SHISA9: variants seen among roughly 807,000 people sequenced by gnomAD.
SHISA9 encodes the protein protein shisa-9.
Under a neutral mutation model 38.0 loss-of-function variants are expected in SHISA9, and 13 were observed. The ratio of observed to expected loss-of-function variants is 0.34; its 90% confidence interval spans 0.22 to 0.54. The LOEUF is 0.54. SHISA9 is among the 20% of genes least tolerant of loss of function. The probability of loss-of-function intolerance (pLI) is 0.91; values close to 1 mark genes in which losing one functional copy is unlikely to be tolerated. For missense variants in SHISA9, 538 were observed against 575.8 expected (o/e 0.93, Z 0.67); for synonymous variants, 275 against 242.0 (o/e 1.14, Z -1.27).
At chr16:13,415,360 C>T in the SHISA9 span, among the ~76,000 whole-genome samples, 1 of 152,158 alleles carries the variant, frequency 6.6e-6, no homozygotes, top group African/African-American at 2.4e-5. Context: ...CACATGTTCT[C>T]ACTTTTAAGT....
At position 12,916,818 on chromosome 16, in the gene SHISA9, A is replaced by G. The variant is rs1330171617; in HGVS notation, c.691+3A>G. On this transcript the variant is annotated splice_donor_region_variant and intron_variant, in intron 2 of 4. Coordinates refer to ENST00000558583, the MANE Select transcript of SHISA9 (RefSeq NM_001145204.3). The stretch of plus-strand genomic sequence containing the variant: ...GAGAACCCCCATAAATAATCTTCGT[A>G]AGTACAGCTGCATGAACCATTTCCA... The G allele has an allele frequency of 1.3e-6, 2 of 1,551,386 alleles. No homozygotes were observed. Among genetic ancestry groups the G allele is most frequent in the Admixed American group, 2.0e-5 (1 of 50,968 alleles).
intron 1 of SHISA9, among the ~76,000 whole-genome samples, chr16:12,903,811 C>G (rs1282045285): frequency 6.6e-6 from 1 of 151,846 alleles, no homozygotes; most frequent in Non-Finnish European, 1.5e-5. Flanking sequence ...TGTGTGTGTG[C>G]GCGCGTGTGT....
the SHISA9 span, among the ~76,000 whole-genome samples, chr16:13,498,979 C>A: frequency 6.6e-6 from 1 of 152,134 alleles, no homozygotes; most frequent in Non-Finnish European, 1.5e-5. Context: ...TGAGAGGATA[C>A]CTATGGGTCT....
At chr16:13,021,126 T>C (rs1041178625) in intron 2 of SHISA9, among the ~76,000 whole-genome samples, 1 of 152,210 alleles carries the variant, frequency 6.6e-6, no homozygotes, top group Non-Finnish European at 1.5e-5. Flanking sequence ...TCTCCTTGAG[T>C]GCTAGACCTC....
chr16:13,351,133 C>G, the SHISA9 span, among the ~76,000 whole-genome samples: 1 of 152,130 alleles, frequency 6.6e-6, no homozygotes, highest in Non-Finnish European at 1.5e-5. Context: ...GAAACAGATA[C>G]CTTTCTCAGA....
At chr16:13,485,643 T>C in the SHISA9 span, among the ~76,000 whole-genome samples, 1 of 152,242 alleles carries the variant, frequency 6.6e-6, no homozygotes, top group South Asian at 2.1e-4. Flanking sequence ...GTTCTTTGTG[T>C]TGAGAACATT....
At chr16:13,404,250 A>G in the SHISA9 span, among the ~76,000 whole-genome samples, 60 of 152,346 alleles carry the variant, frequency 3.9e-4, no homozygotes, top group Middle Eastern at 3.4e-3. Context: ...GACAGCTTCT[A>G]TGCTATCACA....
the SHISA9 span, among the ~76,000 whole-genome samples, chr16:13,302,217 C>T: frequency 2.6e-5 from 4 of 152,088 alleles, no homozygotes; most frequent in African/African-American, 7.2e-5. Flanking sequence ...GTTTGTCCCC[C>T]CATTGAACTT....
At chr16:13,336,721 C>G in the SHISA9 span, among the ~76,000 whole-genome samples, 1 of 152,150 alleles carries the variant, frequency 6.6e-6, no homozygotes, top group Non-Finnish European at 1.5e-5. Context: ...GTGGCATATT[C>G]AATTTGTGGG....
chr16:13,147,892 G>T (rs989516910), intron 2 of SHISA9, among the ~76,000 whole-genome samples: 1 of 152,186 alleles, frequency 6.6e-6, no homozygotes, highest in African/African-American at 2.4e-5. Context: ...CTTGAGAGAA[G>T]CTCACATGTG....
the SHISA9 span, among the ~76,000 whole-genome samples, chr16:13,407,124 A>G: frequency 6.8e-6 from 1 of 148,106 alleles, no homozygotes; most frequent in Non-Finnish European, 1.5e-5. Context: ...GCTCTAGTCT[A>G]TTCAAACTAC....
chr16:13,501,496 G>C, the SHISA9 span, among the ~76,000 whole-genome samples: 4 of 152,182 alleles, frequency 2.6e-5, no homozygotes, highest in African/African-American at 9.7e-5. Context: ...TGGCAAGCAT[G>C]AGCATGTCAG....
chr16:13,288,924 C>A, the SHISA9 span, among the ~76,000 whole-genome samples: 2 of 152,142 alleles, frequency 1.3e-5, no homozygotes, highest in South Asian at 4.1e-4. Context: ...AATATAGTTA[C>A]ATGAAAGTGA....
intron 2 of SHISA9, among the ~76,000 whole-genome samples, chr16:13,198,802 C>T (rs1476676032): frequency 6.6e-6 from 1 of 152,188 alleles, no homozygotes; most frequent in Admixed American, 6.5e-5. Flanking sequence ...AAATGGCTAT[C>T]TAAAACTGCC....
chr16:13,254,527 C>T, the SHISA9 span, among the ~76,000 whole-genome samples: 1 of 152,224 alleles, frequency 6.6e-6, no homozygotes, highest in African/African-American at 2.4e-5. Flanking sequence ...GCAATAATAG[C>T]AGACTTGAGA....
At chr16:13,205,392 T>C (rs2051054424) in intron 3 of SHISA9, among the ~76,000 whole-genome samples, 1 of 152,216 alleles carries the variant, frequency 6.6e-6, no homozygotes, top group African/African-American at 2.4e-5. Flanking sequence ...TCTAAGTTTT[T>C]CTCCCTGTCT....
intron 2 of SHISA9, among the ~76,000 whole-genome samples, chr16:13,144,871 A>C (rs145560769): frequency 1.8e-4 from 28 of 152,320 alleles, no homozygotes; most frequent in African/African-American, 6.5e-4. Flanking sequence ...TTCACATTAT[A>C]CAAAGAAAGA....
At chr16:13,193,006 G>A (rs2050901825) in intron 2 of SHISA9, among the ~76,000 whole-genome samples, 1 of 152,166 alleles carries the variant, frequency 6.6e-6, no homozygotes, top group African/African-American at 2.4e-5. Flanking sequence ...GCATAGATCT[G>A]GCCAGCAGTT....
At chr16:13,175,223 A>AAAAAG (rs2050721574) in intron 2 of SHISA9, among the ~76,000 whole-genome samples, 1 of 151,962 alleles carries the variant, frequency 6.6e-6, no homozygotes, top group Admixed American at 6.6e-5. Flanking sequence ...AGAAAGAAAA[A>AAAAAG]AAAAGAAAAG....
Sources: allele counts gnomAD v4.1 joint callset (sites outside exome capture counted in the v4.1 genomes callset), GRCh38; gene constraint gnomAD v4.1.1; transcripts MANE v1.5; gene names NCBI Gene and HGNC (gene_info 2026-07-23, HGNC 2026-07-21).